The following NF1 variants were observed in gnomAD, a reference collection of about 807,000 sequenced individuals.
NF1 encodes the protein neurofibromin 1.
In NF1, 122 loss-of-function variants were observed where a neutral mutation model predicts 325.7. That is an observed-to-expected ratio of 0.37 (90% CI 0.32 to 0.44). The LOEUF is 0.44. Among genes scored for constraint, NF1 ranks in the 20% least tolerant of loss-of-function variants. NF1 has a pLI of 1.00. For missense variants in NF1, 2,140 were observed against 3,415.4 expected, an observed-to-expected ratio of 0.63 and a Z score of 9.31; for synonymous variants, 1,091 against 1,186.0, an observed-to-expected ratio of 0.92 and a Z score of 1.65.
intron 7 of NF1, 99 bp downstream of exon 7, chr17:31,181,884 G>C: frequency 1.1e-6 from 1 of 893,030 alleles, no homozygotes; most frequent in Non-Finnish European, 1.8e-6. Flanking sequence ...TTGTTATAAA[G>C]GTGCTTTTAC....
chr17:31,230,727 T>G (rs751498153), intron 23 of NF1, 115 bp from the exon 24 acceptor site: 5 of 830,806 alleles, frequency 6.0e-6, no homozygotes, highest in African/African-American at 1.7e-5. Flanking sequence ...AGTCGTCATG[T>G]CACTTAGGTT....
chr17:31,291,915 A>G (rs1225842475), intron 36 of NF1, among the ~76,000 whole-genome samples: 1 of 150,166 alleles, frequency 6.7e-6, no homozygotes, highest in Non-Finnish European at 1.5e-5. Flanking sequence ...GTTTCCATAT[A>G]TGGGAATTTC....
intron 1 of NF1, among the ~76,000 whole-genome samples, chr17:31,142,846 G>A (rs1254839305): frequency 2.7e-5 from 4 of 149,096 alleles, no homozygotes; most frequent in African/African-American, 7.3e-5. Flanking sequence ...CAGCCTGGGC[G>A]ATAGAGCGAG....
intron 1 of NF1, among the ~76,000 whole-genome samples, chr17:31,106,935 G>A (rs1325547104): frequency 6.6e-6 from 1 of 152,068 alleles, no homozygotes; most frequent in East Asian, 1.9e-4. Context: ...TGTAAAGTTG[G>A]TTTTTATATT....
intron 1 of NF1, 50 bp from the exon 2 acceptor site, chr17:31,155,933 C>G (rs767042846): frequency 7.7e-5 from 122 of 1,579,974 alleles, no homozygotes; most frequent in Non-Finnish European, 1.0e-4. Flanking sequence ...TATTTATGGT[C>G]GTTTTTAAGG....
In NF1 at chr17:31,236,132, T is replaced by C. The variant is rs1158736876; in HGVS notation, c.3974+111T>C. The C allele has an allele frequency of 2.6e-6, 2 of 755,062 alleles. No homozygotes were observed. The highest frequency in any genetic ancestry group is 5.3e-5 in the East Asian group (2 of 37,630). The allele number at this position is 755,062 out of a possible 1,614,324, so 46.8% of individuals were successfully genotyped here. A position where few individuals can be genotyped will look rare whatever the true frequency, so the allele number is the denominator to read the frequency against. ...ACCTTCTCCCCTTGATCATTAAAAT[T>C]AGTTTTTAATTATAAAAGTTATATA... On this transcript the variant is annotated intron_variant, in intron 29 of 57. Transcript: ENST00000358273.
At chr17:31,359,773 AT>A (rs1222160102) in intron 56 of NF1, 1 of 153,744 alleles carries the variant, frequency 6.5e-6, no homozygotes, top group African/African-American at 2.4e-5. Flanking sequence ...TTGTTTTTTG[AT>A]TGGCATTAGT....
At position 31,336,941 on chromosome 17, in the gene NF1, T is replaced by G. The variant is rs761777799; in HGVS notation, c.6427+27T>G. 3 of 1,601,090 alleles carry G rather than the reference T, an allele frequency of 1.9e-6. No homozygotes were observed. The highest frequency in any genetic ancestry group is 2.5e-6 in the Non-Finnish European group (3 of 1,177,654). ...TAAGTTCTAGGAAAGGAATTTGTGTTTACCAGTTCCTTTCTCCATTTTACT... is the reference window on the plus strand; with the variant it reads ...TAAGTTCTAGGAAAGGAATTTGTGTGTACCAGTTCCTTTCTCCATTTTACT... On this transcript the variant is annotated intron_variant, in intron 42 of 57. Coordinates refer to ENST00000358273, the MANE Select transcript of NF1 (RefSeq NM_001042492.3). This position sits in a 1 kb window ranked among gnomAD's most constrained non-coding sequence, Gnocchi z 5.5.
At chr17:31,293,591 G>C (rs768754999) in intron 36 of NF1, among the ~76,000 whole-genome samples, 14 of 152,150 alleles carry the variant, frequency 9.2e-5, no homozygotes, top group Non-Finnish European at 1.9e-4. Flanking sequence ...ACATTAGAGT[G>C]TTGTTACTTT....
At chr17:31,335,853 ATTTTTTT>A (rs71360768) in intron 40 of NF1, among the ~76,000 whole-genome samples, 1 of 112,800 alleles carries the variant, frequency 8.9e-6, no homozygotes, top group Non-Finnish European at 1.7e-5. Context: ...TAATTTTTGT[ATTTTTTT>A]TTTTTTTTTT....
intron 57 of NF1, among the ~76,000 whole-genome samples, chr17:31,362,631 G>A (rs938062426): frequency 6.6e-6 from 1 of 151,910 alleles, no homozygotes; most frequent in Admixed American, 6.6e-5. Context: ...TTTTCTGTTG[G>A]ACTATTTTCT....
At chr17:31,249,488 C>G (rs1597735639) in intron 30 of NF1, among the ~76,000 whole-genome samples, 1 of 152,062 alleles carries the variant, frequency 6.6e-6, no homozygotes, top group Admixed American at 6.5e-5. Context: ...CGGGTCTCCT[C>G]CTTGCTTTTT....
Position 31,102,888 on chromosome 17 carries a change from C to T in NF1, c.60+7519C>T, listed in dbSNP as rs574452948. On this transcript the variant is annotated intron_variant, in intron 1 of 57. Coordinates refer to ENST00000358273, the MANE Select transcript of NF1 (RefSeq NM_001042492.3). ...TGAGATAGAGTCTCGCTCTATTGCC[C>T]AGGTTGGAGTGCAGTGGCACGATCT... Among the ~76,000 whole-genome samples the T allele has an allele frequency of 1.4e-4, 21 of 151,788 alleles. No homozygotes were observed. The East Asian group carries it at 3.9e-3, about 28-fold the overall frequency.
intron 3 of NF1, 22 bp downstream of exon 3, chr17:31,159,115 A>G (rs2143647130): frequency 6.7e-7 from 1 of 1,494,744 alleles, no homozygotes; most frequent in Non-Finnish European, 9.3e-7. Context: ...GATCTTAAGT[A>G]GGCAGGCTTT....
rs376339033 is a variant in NF1, at chr17:31,252,899, C to T, written c.4111-39C>T. 2.6e-4 allele frequency: 390 copies of T among 1,528,828 alleles called. 7 individuals carry two copies. The South Asian group carries it at 3.6e-3, about 14-fold the overall frequency. The allele number at this position is 1,528,828 out of a possible 1,614,324, so 94.7% of individuals were successfully genotyped here. ...CATTGTTTTTGTTGCTGTATGTAGTCGGTGCTGTGACTTGTTTGTGCTCAT... is the reference window on the plus strand; with the variant it reads ...CATTGTTTTTGTTGCTGTATGTAGTTGGTGCTGTGACTTGTTTGTGCTCAT... On this transcript the variant is annotated intron_variant, in intron 30 of 57. Transcript: ENST00000358273.
Position 31,175,107 on chromosome 17 carries a change from C to CAAAAA in NF1, c.586+5131_586+5135dup, listed in dbSNP as rs1171161386. 7.9e-4 allele frequency among the ~76,000 whole-genome samples: 23 copies of CAAAAA among 29,024 alleles called. 2 individuals carry two copies. The highest frequency in any genetic ancestry group is 1.6e-3 in the African/African-American group (10 of 6,066). 19.0% of individuals were successfully genotyped at this position (29,024 alleles called of 152,430 possible). On this transcript the variant is annotated intron_variant, in intron 5 of 57. Coordinates refer to ENST00000358273, the MANE Select transcript of NF1 (RefSeq NM_001042492.3). ...TGAGCGACAGAGCAAGACTCCATCT[C>CAAAAA]AAAAAAAAAAAAAAAAAAAAAAAAA...
At chr17:31,127,281 T>C (rs2143434096) in intron 1 of NF1, among the ~76,000 whole-genome samples, 1 of 152,296 alleles carries the variant, frequency 6.6e-6, no homozygotes, top group African/African-American at 2.4e-5. Context: ...GTCAGTTTAT[T>C]GATTTCCGCA....
chr17:31,289,102 A>C (rs988905323), intron 36 of NF1, among the ~76,000 whole-genome samples: 2 of 152,186 alleles, frequency 1.3e-5, no homozygotes, highest in African/African-American at 4.8e-5. Context: ...TCTAGGGGCA[A>C]GTGAATGTCT....
At chr17:31,233,248 C>G (rs1232171018) in intron 27 of NF1, 35 bp downstream of exon 27, 5 of 1,536,906 alleles carry the variant, frequency 3.3e-6, no homozygotes, top group Non-Finnish European at 4.5e-6. Context: ...AGAAAAGTGC[C>G]TGGCACATAG....
Sources: gnomAD v4.1 joint callset for allele counts (sites outside exome capture counted in the v4.1 genomes callset) on GRCh38, gnomAD v4.1.1 for gene constraint, Gnocchi (gnomAD v3.1) non-coding constraint, MANE v1.5 for transcripts, NCBI Gene and HGNC (gene_info 2026-07-23, HGNC 2026-07-21) for gene names.